The following CAMKMT variants were observed in gnomAD, a reference collection of about 807,000 sequenced individuals.
The protein encoded by CAMKMT is calmodulin-lysine N-methyltransferase, also known as CaM KMT.
Under a neutral mutation model 48.0 loss-of-function variants are expected in CAMKMT, and 53 were observed. The ratio of observed to expected loss-of-function variants is 1.10; its 90% CI spans 0.89 to 1.39. CAMKMT has a LOEUF of 1.39. Among genes scored for constraint, CAMKMT ranks in the 40% most tolerant of loss-of-function variants. The pLI is 0.00. For synonymous variants in CAMKMT, 165 were observed against 152.3 expected, an observed-to-expected ratio of 1.08 and a Z score of -0.61; for missense variants, 428 against 402.7, an observed-to-expected ratio of 1.06 and a Z score of -0.54.
At chr2:44,647,907 C>CAA (rs756753917) in intron 3 of CAMKMT, among the ~76,000 whole-genome samples, 381 of 28,516 alleles carry the variant, frequency 0.013, 2 homozygotes, top group Middle Eastern at 0.02. Context: ...GACTCCGTCT[C>CAA]AAAAAAAAAA....
intron 3 of CAMKMT, among the ~76,000 whole-genome samples, chr2:44,484,027 T>C (rs1669096872): frequency 6.6e-6 from 1 of 152,176 alleles, no homozygotes; most frequent in African/African-American, 2.4e-5. Flanking sequence ...ACCATGAGCC[T>C]TTACTCTGAA....
Position 44,618,354 on chromosome 2 carries a change from T to C in CAMKMT, c.377-85929T>C, listed in dbSNP as rs1229986881. 6.6e-6 allele frequency among the ~76,000 whole-genome samples: 1 copy of C among 152,202 alleles called. No homozygotes were observed. ...AAGCTCAGAGATGGATACTGAGCTTTTTGCTGGCCCTTGGAGATTAACTGA... is the reference window on the plus strand; with the variant it reads ...AAGCTCAGAGATGGATACTGAGCTTCTTGCTGGCCCTTGGAGATTAACTGA... On this transcript the variant is annotated intron_variant, in intron 3 of 10. Coordinates refer to ENST00000378494, the MANE Select transcript of CAMKMT (RefSeq NM_024766.5). This position sits in a 1 kb window ranked among gnomAD's most constrained non-coding sequence, Gnocchi z 4.0.
At chr2:44,675,038 C>A (rs1675591314) in intron 3 of CAMKMT, among the ~76,000 whole-genome samples, 1 of 151,432 alleles carries the variant, frequency 6.6e-6, no homozygotes. Flanking sequence ...CGAATTTCTT[C>A]TTTTCTGTTT....
At chr2:44,663,627 T>G (rs1382182914) in intron 3 of CAMKMT, among the ~76,000 whole-genome samples, 4 of 152,216 alleles carry the variant, frequency 2.6e-5, no homozygotes, top group Non-Finnish European at 5.9e-5. Flanking sequence ...TAGATTGTCC[T>G]TTTGCCCTGA....
At chr2:44,481,508 G>C (rs1668962524) in intron 3 of CAMKMT, among the ~76,000 whole-genome samples, 1 of 151,318 alleles carries the variant, frequency 6.6e-6, no homozygotes, top group Non-Finnish European at 1.5e-5. Flanking sequence ...TTTTATTTTT[G>C]CAATTCTCTT....
chr2:44,573,746 T>C (rs1669049200), intron 3 of CAMKMT, among the ~76,000 whole-genome samples: 1 of 152,182 alleles, frequency 6.6e-6, no homozygotes, highest in Admixed American at 6.5e-5. Context: ...TTGTGTATGA[T>C]GTGAGGTAAA....
intron 3 of CAMKMT, among the ~76,000 whole-genome samples, chr2:44,686,992 G>C (rs1456676004): frequency 3.9e-5 from 6 of 152,216 alleles, no homozygotes; most frequent in Admixed American, 3.3e-4. Flanking sequence ...TCATGTAAAA[G>C]TGTCTAATGG....
At chr2:44,584,303 G>T (rs1669729065) in intron 3 of CAMKMT, among the ~76,000 whole-genome samples, 1 of 152,090 alleles carries the variant, frequency 6.6e-6, no homozygotes, top group Non-Finnish European at 1.5e-5. Flanking sequence ...TGCTCATAAG[G>T]TAAGATGAAA....
intron 3 of CAMKMT, among the ~76,000 whole-genome samples, chr2:44,394,154 A>G (rs554821329): frequency 6.6e-6 from 1 of 152,210 alleles, no homozygotes; most frequent in Non-Finnish European, 1.5e-5. Flanking sequence ...TAATCCTTTA[A>G]AGGATAGGAG....
intron 3 of CAMKMT, among the ~76,000 whole-genome samples, chr2:44,663,798 C>G (rs1418350241): frequency 6.6e-6 from 1 of 152,142 alleles, no homozygotes; most frequent in Non-Finnish European, 1.5e-5. Context: ...AAATGGTCAC[C>G]TTCTATGTGG....
At chr2:44,535,797 A>G (rs1231340286) in intron 3 of CAMKMT, among the ~76,000 whole-genome samples, 1 of 152,238 alleles carries the variant, frequency 6.6e-6, no homozygotes, top group Non-Finnish European at 1.5e-5. Flanking sequence ...GTGGGGGCAA[A>G]GCTGAAATCC....
chr2:44,724,168 C>T (rs756440929), intron 7 of CAMKMT, among the ~76,000 whole-genome samples: 5 of 151,970 alleles, frequency 3.3e-5, no homozygotes, highest in Admixed American at 6.6e-5. Context: ...ATACTAGGGA[C>T]GCTGAGGCAG....
intron 3 of CAMKMT, among the ~76,000 whole-genome samples, chr2:44,675,591 T>G (rs1675638812): frequency 6.6e-6 from 1 of 152,236 alleles, no homozygotes; most frequent in Non-Finnish European, 1.5e-5. Context: ...AAACGTCTTT[T>G]ATTGTCACAT....
In CAMKMT at chr2:44,521,006, G is replaced by C. The variant is rs147648032; in HGVS notation, c.376+130701G>C. On this transcript the variant is annotated intron_variant, in intron 3 of 10. Transcript: ENST00000378494. ...TCTTTTCTTTATAAATTACCCAGTCGTGGGCATTTCTTCATAGCAGAGTGA... is the reference window on the plus strand; with the variant it reads ...TCTTTTCTTTATAAATTACCCAGTCCTGGGCATTTCTTCATAGCAGAGTGA... Among the ~76,000 whole-genome samples, 8 of 152,252 alleles carry C rather than the reference G, an allele frequency of 5.3e-5. No homozygotes were observed. In the East Asian group the frequency reaches 1.4e-3, roughly 26 times the overall value.
intron 3 of CAMKMT, among the ~76,000 whole-genome samples, chr2:44,468,223 T>G: frequency 6.6e-6 from 1 of 152,288 alleles, no homozygotes; most frequent in African/African-American, 2.4e-5. Flanking sequence ...GAAGTCATAT[T>G]AAAGGCCAAC....
chr2:44,655,574 A>C (rs564339299), intron 3 of CAMKMT, among the ~76,000 whole-genome samples: 12 of 152,348 alleles, frequency 7.9e-5, no homozygotes, highest in African/African-American at 2.9e-4. Flanking sequence ...AACCATCTGA[A>C]CTTATCTCCT....
chr2:44,639,602 A>G (rs1673333552), intron 3 of CAMKMT, among the ~76,000 whole-genome samples: 1 of 152,266 alleles, frequency 6.6e-6, no homozygotes, highest in Non-Finnish European at 1.5e-5. Context: ...TTGGGAAAGC[A>G]CTATACAAGT....
At chr2:44,603,122 T>C (rs2103864769) in intron 3 of CAMKMT, among the ~76,000 whole-genome samples, 1 of 152,182 alleles carries the variant, frequency 6.6e-6, no homozygotes, top group Middle Eastern at 3.4e-3. Context: ...AGAGACTTGC[T>C]TTGTCACCCA....
At chr2:44,647,155 G>C (rs1000576867) in intron 3 of CAMKMT, among the ~76,000 whole-genome samples, 1 of 152,130 alleles carries the variant, frequency 6.6e-6, no homozygotes, top group Non-Finnish European at 1.5e-5. Flanking sequence ...TACATAGCTA[G>C]CTAGAGTCTC....
Sources: gnomAD v4.1 joint callset for allele counts (sites outside exome capture counted in the v4.1 genomes callset) on GRCh38, gnomAD v4.1.1 for gene constraint, Gnocchi (gnomAD v3.1) non-coding constraint, MANE v1.5 for transcripts, NCBI Gene and HGNC (gene_info 2026-07-23, HGNC 2026-07-21) for gene names.